LPP: variants seen among roughly 807,000 people sequenced by gnomAD.
The protein encoded by LPP is LIM domain containing preferred translocation partner in lipoma.
Under a neutral mutation model 60.4 loss-of-function variants are expected in LPP, and 38 were observed. The observed-to-expected ratio is 0.63, with a 90% CI of 0.49 to 0.83. LPP has a LOEUF of 0.83. Among genes scored for constraint, LPP ranks in the 40% least tolerant of loss-of-function variants. The pLI, the probability that LPP is intolerant of heterozygous loss-of-function variation, is 0.00. For synonymous variants in LPP, 328 were observed against 290.8 expected, an observed-to-expected ratio of 1.13 and a Z score of -1.30; for missense variants, 902 against 783.6, an observed-to-expected ratio of 1.15 and a Z score of -1.80.
intron 7 of LPP, among the ~76,000 whole-genome samples, chr3:188,682,614 G>C (rs1308421922): frequency 6.6e-6 from 1 of 152,158 alleles, no homozygotes. Flanking sequence ...AGTAGAACTA[G>C]GCCAGTCTGT....
chr3:188,880,856 A>G lies in LPP; in HGVS notation c.*6377A>G. 1 of 177,062 alleles carries G rather than the reference A, an allele frequency of 5.6e-6. No homozygotes were observed. The highest frequency in any genetic ancestry group is 1.2e-5 in the Non-Finnish European group (1 of 82,312). 11.0% of individuals were successfully genotyped at this position (177,062 alleles called of 1,614,324 possible). On this transcript the variant is annotated 3_prime_UTR_variant, in exon 12 of 12. Coordinates refer to ENST00000617246, the MANE Select transcript of LPP (RefSeq NM_001375462.1). ...GAGTTACAGTTGCCCCCAAACACGA[A>G]TGCTATTCCCAAATAAAATAGAATC...
At chr3:188,196,505 C>T (rs1729591079) in intron 1 of LPP, among the ~76,000 whole-genome samples, 2 of 152,192 alleles carry the variant, frequency 1.3e-5, no homozygotes, top group Non-Finnish European at 2.9e-5. Flanking sequence ...CCTTTGGAGC[C>T]TGTCCTCCAT....
intron 7 of LPP, among the ~76,000 whole-genome samples, chr3:188,641,402 G>A (rs934862056): frequency 6.6e-6 from 1 of 152,148 alleles, no homozygotes; most frequent in East Asian, 1.9e-4. Context: ...GGGTTAGTGG[G>A]GAGGATTATA....
intron 8 of LPP, among the ~76,000 whole-genome samples, chr3:188,729,720 T>A (rs1719729196): frequency 6.6e-6 from 1 of 151,982 alleles, no homozygotes; most frequent in South Asian, 2.1e-4. Flanking sequence ...CTCACGCTTA[T>A]AATCCCAGCC....
At chr3:188,323,593 T>C (rs1757542567) in intron 2 of LPP, among the ~76,000 whole-genome samples, 1 of 152,198 alleles carries the variant, frequency 6.6e-6, no homozygotes, top group Non-Finnish European at 1.5e-5. Context: ...GAGCAGTGAA[T>C]AGCTCATGAA....
chr3:188,490,909 C>T (rs1197545696), intron 5 of LPP, among the ~76,000 whole-genome samples: 2 of 151,862 alleles, frequency 1.3e-5, no homozygotes, highest in Non-Finnish European at 2.9e-5. Context: ...CACCCACCAC[C>T]ACACCTGGCT....
chr3:188,524,598 A>G (rs147041442), intron 5 of LPP, 67 bp from the exon 6 acceptor site: 30,231 of 1,500,108 alleles, frequency 0.02, 395 homozygotes, highest in Middle Eastern at 0.04. Context: ...ATAACTTGAG[A>G]AATTTGAACT....
intron 1 of LPP, among the ~76,000 whole-genome samples, chr3:188,170,096 T>G (rs1448747670): frequency 6.6e-6 from 1 of 152,180 alleles, no homozygotes; most frequent in Admixed American, 6.5e-5. Context: ...ATTGATATAA[T>G]GTAGACCAAT....
intron 9 of LPP, among the ~76,000 whole-genome samples, chr3:188,854,220 CT>C (rs1763305678): frequency 6.6e-6 from 1 of 152,240 alleles, no homozygotes; most frequent in African/African-American, 2.4e-5. Context: ...TACTCCCTGG[CT>C]GTGCGTTTCA....
chr3:188,484,638 C>A lies in LPP; in HGVS notation c.240C>A (p.Ala80=), dbSNP rs763431227. Residue 80 remains alanine (A), a synonymous_variant, in exon 5 of 12, where the codon GCC becomes GCA. Transcript: ENST00000617246. ...CTCCACCTCTAGATGATTCCAGTGC[C>A]CTTCCATCTATCTCTGGAAACTTTC... ...PPPPPLDDSS[A]LPSISGNFPP... 3.1e-6 allele frequency: 5 copies of A among 1,613,936 alleles called. No homozygotes were observed. The South Asian group carries it at 5.5e-5, about 18-fold the overall frequency.
chr3:188,488,395 C>G (rs1006332511), intron 5 of LPP, among the ~76,000 whole-genome samples: 1 of 151,750 alleles, frequency 6.6e-6, no homozygotes, highest in Non-Finnish European at 1.5e-5. Flanking sequence ...ACTTGGAAAA[C>G]AGGGGAAGGA....
intron 9 of LPP, among the ~76,000 whole-genome samples, chr3:188,821,877 T>C (rs1404446510): frequency 1.3e-5 from 2 of 152,170 alleles, no homozygotes; most frequent in Admixed American, 1.3e-4. Flanking sequence ...ACAACATCCT[T>C]AAACAACTTT....
intron 3 of LPP, among the ~76,000 whole-genome samples, chr3:188,379,789 A>G (rs1776369818): frequency 6.6e-6 from 1 of 152,234 alleles, no homozygotes; most frequent in South Asian, 2.1e-4. Context: ...TTGGTGAAGA[A>G]TAGAAGCAAG....
At chr3:188,207,473 C>T (rs1378460047) in intron 1 of LPP, among the ~76,000 whole-genome samples, 1 of 151,966 alleles carries the variant, frequency 6.6e-6, no homozygotes, top group African/African-American at 2.4e-5. Context: ...CTCAGGTGAT[C>T]CGCCTGCCTC....
chr3:188,795,704 A>G (rs547169396), intron 9 of LPP, among the ~76,000 whole-genome samples: 9 of 152,254 alleles, frequency 5.9e-5, no homozygotes, highest in South Asian at 4.1e-4. Flanking sequence ...CATCATCATC[A>G]TCATCGTCAT....
intron 3 of LPP, among the ~76,000 whole-genome samples, chr3:188,393,768 T>C (rs986088876): frequency 2.6e-5 from 4 of 152,202 alleles, no homozygotes; most frequent in African/African-American, 9.7e-5. Flanking sequence ...TGCTGAGATC[T>C]GATGATGGGA....
intron 9 of LPP, 125 bp downstream of exon 9, chr3:188,760,407 G>GA: frequency 1.9e-6 from 1 of 538,546 alleles, no homozygotes; most frequent in Non-Finnish European, 3.1e-6. Context: ...ATGTGTGTGT[G>GA]GGGTGTGTGT....
intron 7 of LPP, among the ~76,000 whole-genome samples, chr3:188,649,407 T>C (rs183668265): frequency 6.6e-6 from 1 of 152,206 alleles, no homozygotes; most frequent in African/African-American, 2.4e-5. Flanking sequence ...TGTGATTTAA[T>C]GCACCTTTAG....
At chr3:188,379,123 T>C (rs1460625651) in intron 3 of LPP, among the ~76,000 whole-genome samples, 1 of 151,780 alleles carries the variant, frequency 6.6e-6, no homozygotes, top group Non-Finnish European at 1.5e-5. Context: ...GCACAAAAGA[T>C]ACTAATGATT....
Sources: gnomAD v4.1 joint callset for allele counts (sites outside exome capture counted in the v4.1 genomes callset) on GRCh38, gnomAD v4.1.1 for gene constraint, MANE v1.5 for transcripts, NCBI Gene and HGNC (gene_info 2026-07-23, HGNC 2026-07-21) for gene names.